SCN10A: variants seen among roughly 807,000 people sequenced by gnomAD.
SCN10A encodes sodium voltage-gated channel alpha subunit 10.
A neutral mutation model predicts 170.7 loss-of-function variants in SCN10A; 162 were observed. That is an observed-to-expected ratio of 0.95 (90% CI 0.84 to 1.08). The LOEUF (loss-of-function observed/expected upper bound fraction) is 1.08. SCN10A is among the 50% of genes least tolerant of loss of function. The pLI, the probability that SCN10A is intolerant of heterozygous loss-of-function variation, is 0.00. For synonymous variants in SCN10A, 985 were observed against 904.6 expected, an observed-to-expected ratio of 1.09 and a Z score of -1.59; for missense variants, 2,527 against 2,436.9, an observed-to-expected ratio of 1.04 and a Z score of -0.78.
chr3:38,815,640 C>T (rs75222421), intron 1 of SCN10A, among the ~76,000 whole-genome samples: 123 of 152,274 alleles, frequency 8.1e-4, no homozygotes, highest in African/African-American at 2.8e-3. Flanking sequence ...TTAACAACTT[C>T]GTCAATACTA....
chr3:38,779,109 T>A (rs2064108795), intron 4 of SCN10A, among the ~76,000 whole-genome samples: 4 of 152,090 alleles, frequency 2.6e-5, no homozygotes, highest in Admixed American at 2.6e-4. Flanking sequence ...TTAATTTTAC[T>A]CATATTATGT....
chr3:38,698,563 C>T lies in SCN10A; in HGVS notation c.4658-1G>A. 6.2e-7 allele frequency: 1 copy of T among 1,609,532 alleles called. No individual in the cohort carries two copies. ...TTAAGAATTGCAGAAAAAATCAGGC[C>T]TTTAAAAGAAGGAAGAAATTATCTA... On this transcript the variant is annotated splice_acceptor_variant, in intron 27 of 27. Coordinates refer to ENST00000449082, the MANE Select transcript of SCN10A (RefSeq NM_006514.4). LOFTEE classifies it high-confidence loss of function.
chr3:38,777,823 G>C (rs1237017609), intron 4 of SCN10A, among the ~76,000 whole-genome samples: 6 of 151,926 alleles, frequency 3.9e-5, no homozygotes, highest in Non-Finnish European at 1.5e-5. Flanking sequence ...CTTGGGAAAT[G>C]ATGTATTGAA....
chr3:38,708,515 T>G (rs933385119), intron 25 of SCN10A, among the ~76,000 whole-genome samples: 2 of 152,322 alleles, frequency 1.3e-5, no homozygotes, highest in South Asian at 4.1e-4. Flanking sequence ...AAGGATTTCC[T>G]GTAAGTGGAA....
At chr3:38,784,461 A>C (rs1192668546) in intron 4 of SCN10A, among the ~76,000 whole-genome samples, 1 of 152,146 alleles carries the variant, frequency 6.6e-6, no homozygotes, top group Non-Finnish European at 1.5e-5. Context: ...TCAATAAACT[A>C]GGTATTGATG....
rs558384946 is a variant in SCN10A at position 38,750,332 on chromosome 3, G to T, written c.1756-148C>A. On this transcript the variant is annotated intron_variant, in intron 12 of 27. Coordinates refer to ENST00000449082, the MANE Select transcript of SCN10A (RefSeq NM_006514.4). ...TATGTTCTGACAAATACATCATTAG[G>T]TGATTTCATCATTCTGTGAATATCC... 9 of 580,400 alleles carry T rather than the reference G, an allele frequency of 1.6e-5. No individual in the cohort carries two copies. In the Admixed American group the frequency reaches 2.9e-4, roughly 19 times the overall value. The allele number at this position is 580,400 out of a possible 1,614,324, so 36.0% of individuals were successfully genotyped here. A position where few individuals can be genotyped will look rare whatever the true frequency, so the allele number is the denominator to read the frequency against.
chr3:38,807,715 C>A (rs1180051359), intron 1 of SCN10A, among the ~76,000 whole-genome samples: 1 of 152,188 alleles, frequency 6.6e-6, no homozygotes, highest in African/African-American at 2.4e-5. Flanking sequence ...CCAGACCTGA[C>A]TATCCACCTG....
At chr3:38,763,343 A>AG (rs2063896809) in intron 6 of SCN10A, among the ~76,000 whole-genome samples, 162 bp downstream of exon 6, 1 of 152,170 alleles carries the variant, frequency 6.6e-6, no homozygotes, top group African/African-American at 2.4e-5. Flanking sequence ...TTACTAGTGA[A>AG]GAGGCCTTGG....
In SCN10A at chr3:38,788,953, C is replaced by T; in HGVS notation, c.470+3G>A. 3 of 1,560,268 alleles carry T rather than the reference C, an allele frequency of 1.9e-6. No homozygotes were observed. Among genetic ancestry groups the T allele is most frequent in the Non-Finnish European group, 2.7e-6 (3 of 1,131,330 alleles). On this transcript the variant is annotated splice_donor_region_variant and intron_variant, in intron 4 of 27. Transcript: ENST00000449082. Reference sequence around the variant, plus strand: ...GTACAATAATGATAGCAAATCTACTCACTCAATTTTCTCTGGAAGGTCAGT... The same window carrying T: ...GTACAATAATGATAGCAAATCTACTTACTCAATTTTCTCTGGAAGGTCAGT...
Position 38,697,291 on chromosome 3 carries a change from T to C in SCN10A, c.*58A>G. ...GGGTGTGATCTGCAATGGGAAAGAG[T>C]TAACACAGAGCAGAAGGACGCATCA... On this transcript the variant is annotated 3_prime_UTR_variant, in exon 28 of 28. Coordinates refer to ENST00000449082, the MANE Select transcript of SCN10A (RefSeq NM_006514.4). 1 of 1,582,442 alleles carries C rather than the reference T, an allele frequency of 6.3e-7. No homozygotes were observed. Among genetic ancestry groups the C allele is most frequent in the South Asian group, 1.2e-5 (1 of 85,322 alleles).
chr3:38,697,697 T>C lies in SCN10A; in HGVS notation c.5523A>G (p.Pro1841=), dbSNP rs147245558. The C allele has an allele frequency of 8.7e-6, 14 of 1,614,108 alleles. No homozygotes were observed. The African/African-American group carries it at 1.7e-4, about 20-fold the overall frequency. ...GCTTCCATCGGAGAGTGGTTGCTAT[T>C]GGTTCATAGGATGATTTTGAAAGAT... is the stretch of plus-strand genomic sequence containing the variant. ...ATNLSKSSYE[P]IATTLRWKQE... Residue 1841 remains proline (P), a synonymous_variant, in exon 28 of 28, where the codon CCA becomes CCG. Transcript: ENST00000449082.
Position 38,722,362 on chromosome 3 carries a change from A to G in SCN10A, c.3403T>C (p.Trp1135Arg), listed in dbSNP as rs769714725. The G allele has an allele frequency of 5.6e-6, 9 of 1,613,874 alleles. No homozygotes were observed. The highest frequency in any genetic ancestry group is 7.6e-6 in the Non-Finnish European group (9 of 1,179,972). Residue 1135 changes from tryptophan to arginine, a missense_variant, in exon 20 of 28, where the codon TGG becomes CGG. Trp to Arg is a moderately radical substitution (Grantham distance 101). Transcript: ENST00000449082. ...TTGCGCACCTGCCAGCCCACATCCCATGGACTCTTGGTGGTATCCAGTTTG... is the reference window on the plus strand; with the variant it reads ...TTGCGCACCTGCCAGCCCACATCCCGTGGACTCTTGGTGGTATCCAGTTTG... ...CCKLDTTKSPWDVGWQVRKTC... is the reference protein window; with the variant it reads ...CCKLDTTKSPRDVGWQVRKTC...
At chr3:38,734,744 T>C in intron 15 of SCN10A, among the ~76,000 whole-genome samples, 1 of 152,248 alleles carries the variant, frequency 6.6e-6, no homozygotes, top group Admixed American at 6.5e-5. Context: ...GGTGAAATAT[T>C]GAAAGGATTC....
intron 4 of SCN10A, among the ~76,000 whole-genome samples, chr3:38,774,979 T>A (rs891868275): frequency 6.6e-6 from 1 of 152,174 alleles, no homozygotes; most frequent in Non-Finnish European, 1.5e-5. Context: ...GGGAGCAGCA[T>A]CTTCTATCTG....
chr3:38,760,646 G>C, intron 8 of SCN10A, 35 bp downstream of exon 8: 1 of 1,532,418 alleles, frequency 6.5e-7, no homozygotes, highest in African/African-American at 1.4e-5. Flanking sequence ...AGGAATTGTT[G>C]GGCACTCGTG....
At chr3:38,772,446 T>C (rs947877608) in intron 4 of SCN10A, among the ~76,000 whole-genome samples, 6 of 152,018 alleles carry the variant, frequency 3.9e-5, no homozygotes, top group Admixed American at 3.9e-4. Flanking sequence ...TCGCAGCACT[T>C]TGGGAGGCCG....
At chr3:38,713,390 G>A (rs2063296727) in intron 22 of SCN10A, among the ~76,000 whole-genome samples, 1 of 152,186 alleles carries the variant, frequency 6.6e-6, no homozygotes, top group African/African-American at 2.4e-5. Flanking sequence ...GCAATAAGAG[G>A]CAGAGTTGGG....
chr3:38,747,268 T>C (rs1260146447), intron 13 of SCN10A, among the ~76,000 whole-genome samples: 1 of 152,184 alleles, frequency 6.6e-6, no homozygotes, highest in Non-Finnish European at 1.5e-5. Flanking sequence ...TTTTATCAGT[T>C]CACACTGTTA....
chr3:38,759,842 G>C (rs1303411769), intron 8 of SCN10A, among the ~76,000 whole-genome samples: 1 of 152,134 alleles, frequency 6.6e-6, no homozygotes, highest in Non-Finnish European at 1.5e-5. Flanking sequence ...CAGCTCCTAG[G>C]TTCCCTCCTG....
Sources: allele counts gnomAD v4.1 joint callset (sites outside exome capture counted in the v4.1 genomes callset), GRCh38; gene constraint gnomAD v4.1.1; transcripts MANE v1.5; gene names NCBI Gene and HGNC (gene_info 2026-07-23, HGNC 2026-07-21).